Variants in AKT3 observed in about 807,000 individuals in gnomAD.
The protein encoded by AKT3 is AKT serine/threonine kinase 3, also known as RAC-gamma serine/threonine-protein kinase.
A neutral mutation model predicts 65.3 loss-of-function variants in AKT3; 15 were observed. That is an observed-to-expected ratio of 0.23 (90% CI 0.15 to 0.35). The LOEUF is 0.35. Among genes scored for constraint, AKT3 ranks in the 10% least tolerant of loss-of-function variants. The probability of loss-of-function intolerance (pLI) is 1.00; values close to 1 mark genes in which losing one functional copy is unlikely to be tolerated. For missense variants in AKT3, 243 were observed against 576.5 expected (o/e 0.42, Z 5.92); for synonymous variants, 206 against 183.8 (o/e 1.12, Z -0.98).
intron 2 of AKT3, among the ~76,000 whole-genome samples, chr1:243,738,311 A>G (rs1181537651): frequency 6.6e-6 from 1 of 152,202 alleles, no homozygotes; most frequent in Non-Finnish European, 1.5e-5. Flanking sequence ...CTAACAAGCC[A>G]GAGACTAAAA....
At chr1:243,622,746 A>C (rs770631302) in intron 6 of AKT3, among the ~76,000 whole-genome samples, 1 of 152,210 alleles carries the variant, frequency 6.6e-6, no homozygotes, top group Non-Finnish European at 1.5e-5. Context: ...AGATCAAACC[A>C]TTATCTGCTT....
At chr1:243,633,891 A>T (rs1380511657) in intron 6 of AKT3, among the ~76,000 whole-genome samples, 1 of 152,132 alleles carries the variant, frequency 6.6e-6, no homozygotes, top group Non-Finnish European at 1.5e-5. Context: ...GCTGTCTCCA[A>T]AAGCCACAAA....
At chr1:243,813,966 T>A (rs1204267584) in intron 2 of AKT3, among the ~76,000 whole-genome samples, 1 of 152,042 alleles carries the variant, frequency 6.6e-6, no homozygotes, top group Non-Finnish European at 1.5e-5. Flanking sequence ...AGCCAGGTGG[T>A]GGTGCACACC....
At chr1:243,651,605 G>A (rs1196372994) in intron 4 of AKT3, among the ~76,000 whole-genome samples, 1 of 152,110 alleles carries the variant, frequency 6.6e-6, no homozygotes, top group East Asian at 1.9e-4. Context: ...TAGCATGAAG[G>A]GGAGTTGAGT....
chr1:243,596,746 G>C (rs1676644148), intron 8 of AKT3, among the ~76,000 whole-genome samples: 1 of 152,064 alleles, frequency 6.6e-6, no homozygotes, highest in Non-Finnish European at 1.5e-5. Context: ...AAAAGAAACA[G>C]GCCTATCAGC....
intron 9 of AKT3, among the ~76,000 whole-genome samples, chr1:243,567,353 G>A (rs1021185735): frequency 2.0e-5 from 3 of 151,928 alleles, no homozygotes; most frequent in African/African-American, 7.3e-5. Context: ...TGTTGCCTAG[G>A]CTGGAGTACA....
Position 243,532,806 on chromosome 1 carries a change from A to G in AKT3, c.1251+12704T>C, listed in dbSNP as rs1671633874. On this transcript the variant is annotated intron_variant, in intron 12 of 13. Coordinates refer to ENST00000673466, the MANE Select transcript of AKT3 (RefSeq NM_005465.7). Reference sequence around the variant, plus strand: ...GCTTTTCTTTGGTGGGAGGTTTGCGATTAGTGATTTTATTTCTTTAAGAGT... The same window carrying G: ...GCTTTTCTTTGGTGGGAGGTTTGCGGTTAGTGATTTTATTTCTTTAAGAGT... 1.3e-5 allele frequency among the ~76,000 whole-genome samples: 2 copies of G among 152,074 alleles called. 1 individual carries two copies. Among genetic ancestry groups the G allele is most frequent in the South Asian group, 4.1e-4 (2 of 4,830 alleles).
At chr1:243,541,334 G>A (rs983804735) in intron 12 of AKT3, among the ~76,000 whole-genome samples, 2 of 151,940 alleles carry the variant, frequency 1.3e-5, no homozygotes, top group Admixed American at 6.6e-5. Context: ...TCATCCTTTG[G>A]ATCATAAACT....
At chr1:243,622,747 T>C (rs1378160698) in intron 6 of AKT3, among the ~76,000 whole-genome samples, 1 of 152,170 alleles carries the variant, frequency 6.6e-6, no homozygotes, top group Non-Finnish European at 1.5e-5. Flanking sequence ...GATCAAACCA[T>C]TATCTGCTTC....
chr1:243,497,326 G>A (rs1369158905), downstream of AKT3, among the ~76,000 whole-genome samples: 1 of 141,170 alleles, frequency 7.1e-6, no homozygotes, highest in African/African-American at 2.7e-5. Context: ...AGGCACGGCT[G>A]TAGGCACGGG....
intron 3 of AKT3, among the ~76,000 whole-genome samples, chr1:243,670,169 A>G (rs1683066925): frequency 6.6e-6 from 1 of 152,224 alleles, no homozygotes; most frequent in East Asian, 1.9e-4. Flanking sequence ...AATAAACAGT[A>G]TAATAGAAAT....
In AKT3 at chr1:243,499,897, A is replaced by C; in HGVS notation, c.*5352T>G. The C allele has an allele frequency of 9.9e-7, 1 of 1,013,486 alleles. No homozygotes were observed. Among genetic ancestry groups the C allele is most frequent in the Non-Finnish European group, 1.5e-6 (1 of 656,360 alleles). 62.8% of individuals were successfully genotyped at this position (1,013,486 alleles called of 1,614,324 possible). A position where few individuals can be genotyped will look rare whatever the true frequency, so the allele number is the denominator to read the frequency against. ...GACCTTCCCAGGGTGACACCGCCTC[A>C]GCCTGCAGTGGGGCTGGTCCTCATC... On this transcript the variant is annotated 3_prime_UTR_variant, in exon 14 of 14. Coordinates refer to ENST00000673466, the MANE Select transcript of AKT3 (RefSeq NM_005465.7).
intron 9 of AKT3, among the ~76,000 whole-genome samples, chr1:243,565,460 A>G (rs750784692): frequency 6.6e-6 from 1 of 152,188 alleles, no homozygotes. Context: ...GCTGGGTTCA[A>G]GCAATCCACC....
At chr1:243,822,599 A>T (rs1476976895) in intron 2 of AKT3, among the ~76,000 whole-genome samples, 4 of 152,194 alleles carry the variant, frequency 2.6e-5, no homozygotes, top group Non-Finnish European at 5.9e-5. Context: ...TAAAGGGGAC[A>T]TCACCACTGA....
chr1:243,622,943 G>T (rs1678873092), intron 6 of AKT3, among the ~76,000 whole-genome samples: 1 of 152,184 alleles, frequency 6.6e-6, no homozygotes, highest in Non-Finnish European at 1.5e-5. Flanking sequence ...TATTTTAATG[G>T]ACTTACGTGC....
chr1:243,715,357 T>G (rs1286588328), intron 2 of AKT3, among the ~76,000 whole-genome samples: 1 of 152,098 alleles, frequency 6.6e-6, no homozygotes, highest in Admixed American at 6.6e-5. Context: ...ATTTACACCT[T>G]GGATAAAAAT....
intron 2 of AKT3, among the ~76,000 whole-genome samples, chr1:243,810,915 C>T (rs988027970): frequency 4.6e-5 from 7 of 151,876 alleles, no homozygotes; most frequent in South Asian, 4.2e-4. Flanking sequence ...AACAGAACAA[C>T]GACAAAAACC....
intron 2 of AKT3, among the ~76,000 whole-genome samples, chr1:243,715,871 T>G (rs1478198975): frequency 6.6e-6 from 1 of 152,032 alleles, no homozygotes; most frequent in Non-Finnish European, 1.5e-5. Flanking sequence ...ATACTCCATT[T>G]AGTGATAATA....
chr1:243,548,987 G>C (rs2148457202), intron 11 of AKT3, among the ~76,000 whole-genome samples: 1 of 152,198 alleles, frequency 6.6e-6, no homozygotes, highest in South Asian at 2.1e-4. Context: ...CAAGGTCCTT[G>C]TTAGCTTTCT....
Sources: allele counts gnomAD v4.1 joint callset (sites outside exome capture counted in the v4.1 genomes callset), GRCh38; gene constraint gnomAD v4.1.1; transcripts MANE v1.5; gene names NCBI Gene and HGNC (gene_info 2026-07-23, HGNC 2026-07-21).